The following CECR2 variants were observed in gnomAD, a reference collection of about 807,000 sequenced individuals.
CECR2 encodes CECR2 histone acetyl-lysine reader, also known as chromatin remodeling regulator CECR2.
In CECR2, 30 loss-of-function variants were observed where a neutral mutation model predicts 154.5. The observed-to-expected ratio is 0.19, with a 90% CI of 0.15 to 0.26. The LOEUF is 0.26. Among genes scored for constraint, CECR2 ranks in the 10% least tolerant of loss-of-function variants. The probability of loss-of-function intolerance (pLI) is 1.00; values close to 1 mark genes in which losing one functional copy is unlikely to be tolerated. For missense variants in CECR2, 1,743 were observed against 1,829.3 expected (o/e 0.95, Z 0.86); for synonymous variants, 725 against 683.7 (o/e 1.06, Z -0.94).
chr22:17,541,717 AGCC>A (rs2056525217), intron 14 of CECR2, 119 bp from the exon 15 acceptor site: 27 of 1,238,446 alleles, frequency 2.2e-5, no homozygotes, highest in Non-Finnish European at 3.0e-5. Context: ...CCCTGTCTCC[AGCC>A]GAGGTTTAGT....
intron 1 of CECR2, among the ~76,000 whole-genome samples, chr22:17,467,249 A>T (rs2518756): frequency 0.14 from 21,015 of 152,182 alleles, 1,642 homozygotes; most frequent in East Asian, 0.23. Context: ...AACAAGTCTG[A>T]TGTCAGTGAT....
At chr22:17,427,897 G>A (rs183888855) in intron 1 of CECR2, among the ~76,000 whole-genome samples, 58 of 152,204 alleles carry the variant, frequency 3.8e-4, no homozygotes, top group African/African-American at 1.2e-3. Flanking sequence ...TTGAGAAATC[G>A]CCACACTGTC....
intron 1 of CECR2, among the ~76,000 whole-genome samples, chr22:17,446,880 C>G (rs952307202): frequency 2.6e-5 from 4 of 152,092 alleles, no homozygotes; most frequent in Admixed American, 1.3e-4. Context: ...CCACATCCTG[C>G]TGATTGGTCC....
chr22:17,454,717 C>T (rs1425994516), intron 1 of CECR2, among the ~76,000 whole-genome samples: 1 of 151,990 alleles, frequency 6.6e-6, no homozygotes, highest in Non-Finnish European at 1.5e-5. Flanking sequence ...ATGAATGTGA[C>T]ACAAAGAGAA....
intron 1 of CECR2, among the ~76,000 whole-genome samples, chr22:17,407,431 A>G (rs1345247948): frequency 6.6e-6 from 1 of 152,120 alleles, no homozygotes; most frequent in African/African-American, 2.4e-5. Flanking sequence ...CCCCATCTCT[A>G]CTGAAAACAC....
chr22:17,536,260 T>C (rs535464680), intron 9 of CECR2, among the ~76,000 whole-genome samples: 1 of 151,940 alleles, frequency 6.6e-6, no homozygotes, highest in Non-Finnish European at 1.5e-5. Context: ...AAAATAAAAA[T>C]AAAAAAGAAA....
intron 1 of CECR2, among the ~76,000 whole-genome samples, chr22:17,464,345 C>T (rs2054991564): frequency 6.6e-6 from 1 of 152,104 alleles, no homozygotes; most frequent in Non-Finnish European, 1.5e-5. Context: ...AAGAAGTGGC[C>T]ATATTCTCCC....
At chr22:17,371,454 A>C (rs1386123677) in intron 1 of CECR2, among the ~76,000 whole-genome samples, 1 of 152,220 alleles carries the variant, frequency 6.6e-6, no homozygotes, top group Non-Finnish European at 1.5e-5. Flanking sequence ...TTTATTAATG[A>C]AAATATTCTT....
intron 9 of CECR2, 112 bp downstream of exon 9, chr22:17,524,383 A>ATTTG: frequency 1.5e-6 from 1 of 666,366 alleles, no homozygotes; most frequent in Non-Finnish European, 2.2e-6. Flanking sequence ...GTTTCCGGCA[A>ATTTG]TTTCTTTTTT....
At chr22:17,529,736 GAC>G (rs2056325115) in intron 9 of CECR2, among the ~76,000 whole-genome samples, 1 of 151,762 alleles carries the variant, frequency 6.6e-6, no homozygotes, top group Non-Finnish European at 1.5e-5. Context: ...ATGAAAACAG[GAC>G]AGTCTCTGAC....
At chr22:17,471,517 A>G (rs2055126352) in intron 1 of CECR2, among the ~76,000 whole-genome samples, 2 of 151,030 alleles carry the variant, frequency 1.3e-5, no homozygotes, top group Admixed American at 1.3e-4. Flanking sequence ...GGGGTTTTTT[A>G]TTGTTGTTGT....
Position 17,428,798 on chromosome 22 carries a change from T to TTGTGTG in CECR2, c.127-48766_127-48761dup, listed in dbSNP as rs60474818. On this transcript the variant is annotated intron_variant, in intron 1 of 18. Transcript: ENST00000262608. ...CAGATGAGAAAAATAATGTTTTTAT[T>TTGTGTG]TGTGTGTGTGTGTGTGTGTGTGTGT... is the stretch of plus-strand genomic sequence containing the variant. Among the ~76,000 whole-genome samples, 306 of 136,416 alleles carry TTGTGTG rather than the reference T, an allele frequency of 2.2e-3. 1 individual carries two copies. Among genetic ancestry groups the TTGTGTG allele is most frequent in the African/African-American group, 6.0e-3 (208 of 34,684 alleles). The allele number at this position is 136,416 out of a possible 152,430, so 89.5% of individuals were successfully genotyped here.
rs2063030431 is a variant in CECR2, at chr22:17,369,638, C to T, written c.-146C>T. The T allele has an allele frequency of 6.8e-6, 1 of 146,960 alleles. No individual in the cohort carries two copies. The highest frequency in any genetic ancestry group is 2.4e-5 in the African/African-American group (1 of 40,868). The allele number at this position is 146,960 out of a possible 1,614,324, so 9.1% of individuals were successfully genotyped here. ...GGCGCCCGCCCTCGGCTCCTGCACT[C>T]GCCGAGCGGCGGCAGCAGCGGGAGG... is the stretch of plus-strand genomic sequence containing the variant. On this transcript the variant is annotated 5_prime_UTR_variant, in exon 1 of 19. Coordinates refer to ENST00000262608, the MANE Select transcript of CECR2 (RefSeq NM_001290047.2).
rs1345543681 is a variant in CECR2, at chr22:17,370,324, G to T, written c.126+415G>T. On this transcript the variant is annotated intron_variant, in intron 1 of 18. Transcript: ENST00000262608. ...TGCTCCGGCGGGGCCGGGCGCGGGG[G>T]GGGGGCCCGCGCGGGATTAACTCGG... 4.0e-5 allele frequency among the ~76,000 whole-genome samples: 6 copies of T among 149,308 alleles called. No individual in the cohort carries two copies. The South Asian group carries it at 8.4e-4, about 21-fold the overall frequency.
intron 16 of CECR2, among the ~76,000 whole-genome samples, chr22:17,546,573 A>C (rs372262747): frequency 6.6e-6 from 1 of 151,274 alleles, no homozygotes; most frequent in Admixed American, 6.6e-5. Context: ...ACGGTTTTTC[A>C]CTTTCATTGT....
chr22:17,445,152 G>A (rs1418608993), intron 1 of CECR2, among the ~76,000 whole-genome samples: 2 of 152,112 alleles, frequency 1.3e-5, no homozygotes, highest in African/African-American at 4.8e-5. Flanking sequence ...TCTAATTGTT[G>A]TATGTAAGGG....
Position 17,491,984 on chromosome 22 carries a change from G to T in CECR2, c.222-5419G>T, listed in dbSNP as rs529715964. On this transcript the variant is annotated intron_variant, in intron 2 of 18. Coordinates refer to ENST00000262608, the MANE Select transcript of CECR2 (RefSeq NM_001290047.2). ...GTAGCTATTCTACAGCCCTAGAGAA[G>T]AAGAACTGTTATTTTAATTATTTTG... is the stretch of plus-strand genomic sequence containing the variant. Among the ~76,000 whole-genome samples the T allele has an allele frequency of 7.0e-4, 107 of 152,284 alleles. 1 individual carries two copies. Among genetic ancestry groups the T allele is most frequent in the African/African-American group, 2.5e-3 (105 of 41,566 alleles).
intron 1 of CECR2, among the ~76,000 whole-genome samples, chr22:17,403,706 G>GT (rs1207816808): frequency 6.6e-6 from 1 of 152,112 alleles, no homozygotes; most frequent in African/African-American, 2.4e-5. Flanking sequence ...TGATCTTCTA[G>GT]TTAAGGTATT....
At chr22:17,368,152 TACA>T (rs141861186), upstream of CECR2, among the ~76,000 whole-genome samples, 4,860 of 151,678 alleles carry the variant, frequency 0.032, 256 homozygotes, top group African/African-American at 0.11. Flanking sequence ...CCTTAAAAAA[TACA>T]ACAAGTTATT....
Sources: gnomAD v4.1 joint callset for allele counts (sites outside exome capture counted in the v4.1 genomes callset) on GRCh38, gnomAD v4.1.1 for gene constraint, MANE v1.5 for transcripts, NCBI Gene and HGNC (gene_info 2026-07-23, HGNC 2026-07-21) for gene names.